Variants in CRYBG1 observed in about 807,000 individuals in gnomAD.
The protein encoded by CRYBG1 is beta/gamma crystallin domain-containing protein 1.
Under a neutral mutation model 189.2 loss-of-function variants are expected in CRYBG1, and 139 were observed. That is an observed-to-expected ratio of 0.73 (90% CI 0.64 to 0.85). The LOEUF is 0.85. Ranked by LOEUF, CRYBG1 falls within the 40% of genes least tolerant of loss-of-function variation. CRYBG1 has a pLI of 0.00. For missense variants in CRYBG1, 2,611 were observed against 2,675.8 expected (o/e 0.98, Z 0.53); for synonymous variants, 1,023 against 1,017.1 (o/e 1.01, Z -0.11).
At chr6:106,440,564 G>A (rs79231930) in intron 1 of CRYBG1, among the ~76,000 whole-genome samples, 41,545 of 152,062 alleles carry the variant, frequency 0.27, 6,434 homozygotes, top group South Asian at 0.39. Context: ...ACTGCACCCG[G>A]CCCCTTTCTT....
rs183139391 is a variant in CRYBG1, at chr6:106,480,148, A to T, written c.312+28316A>T. On this transcript the variant is annotated intron_variant, in intron 2 of 21. Transcript: ENST00000633556. ...GAAATACAGTCTGTTTCTCAGTGACATGATGCCAGGGGAGACATTAATTGC... is the reference window on the plus strand; with the variant it reads ...GAAATACAGTCTGTTTCTCAGTGACTTGATGCCAGGGGAGACATTAATTGC... 2.0e-4 allele frequency among the ~76,000 whole-genome samples: 31 copies of T among 152,300 alleles called. No homozygotes were observed. The East Asian group carries it at 4.0e-3, about 20-fold the overall frequency.
chr6:106,496,977 G>A (rs941194271), intron 2 of CRYBG1, among the ~76,000 whole-genome samples: 2 of 152,202 alleles, frequency 1.3e-5, no homozygotes, highest in South Asian at 2.1e-4. Flanking sequence ...TTTGCAAAAC[G>A]CAATCCAGAG....
At chr6:106,377,591 C>T (rs1218930359) in intron 1 of CRYBG1, among the ~76,000 whole-genome samples, 1 of 103,668 alleles carries the variant, frequency 9.6e-6, no homozygotes, top group East Asian at 2.9e-4. Flanking sequence ...TATTCTGTGG[C>T]TCACTGTGTA....
chr6:106,451,919 A>G, intron 2 of CRYBG1, 87 bp downstream of exon 2: 3 of 1,088,028 alleles, frequency 2.8e-6, no homozygotes, highest in Non-Finnish European at 3.7e-6. Flanking sequence ...TAAGAAACAC[A>G]TACTTAAAAG....
intron 13 of CRYBG1, among the ~76,000 whole-genome samples, chr6:106,549,424 T>A (rs1394297765): frequency 6.6e-6 from 1 of 152,104 alleles, no homozygotes; most frequent in African/African-American, 2.4e-5. Context: ...GTCTCCTATC[T>A]CCTCACCTCT....
rs539503118 is a variant in CRYBG1 at position 106,364,897 on chromosome 6, A to G, written c.173+3816A>G. 3.9e-5 allele frequency among the ~76,000 whole-genome samples: 6 copies of G among 152,376 alleles called. No individual in the cohort carries two copies. The East Asian group carries it at 9.6e-4, about 24-fold the overall frequency. ...CAAAATGGGAATCATAAGAGTTGTT[A>G]TAAAAATAAACGAGTTAATGCATTT... is the stretch of plus-strand genomic sequence containing the variant. On this transcript the variant is annotated intron_variant, in intron 1 of 21. Transcript: ENST00000633556.
chr6:106,522,816 G>A (rs998536273), intron 4 of CRYBG1, among the ~76,000 whole-genome samples: 5 of 152,160 alleles, frequency 3.3e-5, no homozygotes, highest in Admixed American at 3.3e-4. Flanking sequence ...GATGTTGCAA[G>A]CTCTTTCAAA....
At chr6:106,567,664 G>T (rs1774930417) in intron 21 of CRYBG1, among the ~76,000 whole-genome samples, 1 of 149,628 alleles carries the variant, frequency 6.7e-6, no homozygotes, top group African/African-American at 2.5e-5. Flanking sequence ...CATCTGAAGG[G>T]ATCTTTATTC....
intron 2 of CRYBG1, among the ~76,000 whole-genome samples, chr6:106,507,572 C>T (rs1472603735): frequency 6.6e-6 from 1 of 152,070 alleles, no homozygotes; most frequent in Admixed American, 6.5e-5. Context: ...ATCATCAAGC[C>T]TGGAAAGGTG....
intron 1 of CRYBG1, among the ~76,000 whole-genome samples, chr6:106,391,931 G>C (rs1156902351): frequency 1.3e-4 from 3 of 23,728 alleles, no homozygotes; most frequent in Non-Finnish European, 1.7e-4. Context: ...TTTAAAACGT[G>C]TGTGTGTGTG....
intron 2 of CRYBG1, chr6:106,454,894 T>C (rs143697465): frequency 6.6e-6 from 1 of 152,482 alleles, no homozygotes; most frequent in East Asian, 1.9e-4. Flanking sequence ...TCTTTGTTCC[T>C]TCTCCACTCC....
In CRYBG1 at chr6:106,374,958, A is replaced by T. The variant is rs960522031; in HGVS notation, c.173+13877A>T. 1.1e-4 allele frequency among the ~76,000 whole-genome samples: 17 copies of T among 152,168 alleles called. 1 individual carries two copies. The highest frequency in any genetic ancestry group is 5.9e-5 in the Non-Finnish European group (4 of 68,042). On this transcript the variant is annotated intron_variant, in intron 1 of 21. Transcript: ENST00000633556. ...CCTGAAAGTTCTGTGTTATTTTCAG[A>T]TATTAAATTTTGTTGTAGGGTTTAG...
At chr6:106,475,641 T>G (rs1032939151) in intron 2 of CRYBG1, among the ~76,000 whole-genome samples, 1 of 152,204 alleles carries the variant, frequency 6.6e-6, no homozygotes, top group African/African-American at 2.4e-5. Context: ...GAAAGATATA[T>G]AGTGCTGTCT....
At chr6:106,494,397 C>T (rs918957930) in intron 2 of CRYBG1, among the ~76,000 whole-genome samples, 4 of 152,136 alleles carry the variant, frequency 2.6e-5, no homozygotes, top group Admixed American at 2.6e-4. Flanking sequence ...TGCTTTCTAC[C>T]ACAGTTAAAT....
At chr6:106,483,775 T>G (rs1772529281) in intron 2 of CRYBG1, among the ~76,000 whole-genome samples, 1 of 152,236 alleles carries the variant, frequency 6.6e-6, no homozygotes, top group Admixed American at 6.5e-5. Context: ...ATAGCAATGT[T>G]GAACATTTTT....
chr6:106,474,617 C>T (rs1772299239), intron 2 of CRYBG1, among the ~76,000 whole-genome samples: 2 of 152,048 alleles, frequency 1.3e-5, no homozygotes, highest in South Asian at 2.1e-4. Context: ...TGTGTACTTC[C>T]GGTCTATCCC....
At chr6:106,391,520 G>A (rs1031744099) in intron 1 of CRYBG1, among the ~76,000 whole-genome samples, 11 of 150,980 alleles carry the variant, frequency 7.3e-5, no homozygotes, top group African/African-American at 2.7e-4. Flanking sequence ...ATATCCTTTT[G>A]TTGTACCTGT....
Position 106,555,755 on chromosome 6 carries a change from T to C in CRYBG1, c.5586-13T>C, listed in dbSNP as rs1774523088. 6.2e-7 allele frequency: 1 copy of C among 1,614,082 alleles called. No homozygotes were observed. Among genetic ancestry groups the C allele is most frequent in the Non-Finnish European group, 8.5e-7 (1 of 1,179,948 alleles). On this transcript the variant is annotated splice_polypyrimidine_tract_variant and intron_variant, in intron 16 of 21. Transcript: ENST00000633556. ...GCATATTCTGTGCATGTGTGTGGTT[T>C]TTCCCATTGTAGCTGGGTTGTATAT...
intron 2 of CRYBG1, among the ~76,000 whole-genome samples, chr6:106,472,832 A>T (rs1445956385): frequency 6.7e-6 from 1 of 150,328 alleles, no homozygotes; most frequent in African/African-American, 2.4e-5. Flanking sequence ...TGAGCCTGGG[A>T]GGTGGAGGCT....
Sources: allele counts gnomAD v4.1 joint callset (sites outside exome capture counted in the v4.1 genomes callset), GRCh38; gene constraint gnomAD v4.1.1; transcripts MANE v1.5; gene names NCBI Gene and HGNC (gene_info 2026-07-23, HGNC 2026-07-21).